CSMD1: variants seen among roughly 807,000 people sequenced by gnomAD.
CSMD1 encodes CUB and Sushi multiple domains 1.
CSMD1 carries 213 observed loss-of-function variants against 417.5 expected under a neutral mutation model. The observed-to-expected ratio is 0.51, with a 90% CI of 0.46 to 0.57. The LOEUF (loss-of-function observed/expected upper bound fraction) is 0.57, where lower values mean the gene tolerates loss of function less well. CSMD1 is among the 20% of genes least tolerant of loss of function. The probability of loss-of-function intolerance (pLI) is 0.00; values close to 1 mark genes in which losing one functional copy is unlikely to be tolerated. For missense variants in CSMD1, 6,923 were observed against 4,529.7 expected, an observed-to-expected ratio of 1.53 and a Z score of -15.17; for synonymous variants, 2,862 against 1,736.8, an observed-to-expected ratio of 1.65 and a Z score of -16.11.
At chr8:3,665,780 T>A (rs1004289114) in intron 7 of CSMD1, among the ~76,000 whole-genome samples, 1 of 152,218 alleles carries the variant, frequency 6.6e-6, no homozygotes, top group Non-Finnish European at 1.5e-5. Flanking sequence ...AGCTTGAAGC[T>A]GAGGCTATTT....
At chr8:4,763,456 T>G (rs542740731) in intron 1 of CSMD1, among the ~76,000 whole-genome samples, 1 of 152,152 alleles carries the variant, frequency 6.6e-6, no homozygotes, top group Non-Finnish European at 1.5e-5. Flanking sequence ...TTATTTATAA[T>G]AGTGACATGA....
chr8:4,330,709 G>T (rs1370316836), intron 3 of CSMD1, among the ~76,000 whole-genome samples: 1 of 151,940 alleles, frequency 6.6e-6, no homozygotes, highest in Non-Finnish European at 1.5e-5. Context: ...TCTGTAGGTT[G>T]AGGATACCCC....
chr8:4,305,009 C>G (rs1798169718), intron 3 of CSMD1, among the ~76,000 whole-genome samples: 1 of 152,194 alleles, frequency 6.6e-6, no homozygotes, highest in African/African-American at 2.4e-5. Flanking sequence ...ACAGGACCCA[C>G]TACAAACACA....
At chr8:3,970,587 C>T (rs192935497) in intron 5 of CSMD1, among the ~76,000 whole-genome samples, 1 of 152,126 alleles carries the variant, frequency 6.6e-6, no homozygotes, top group Non-Finnish European at 1.5e-5. Flanking sequence ...AAAGACCCAA[C>T]AGAATGAATA....
chr8:4,142,174 A>C (rs1312857609), intron 3 of CSMD1, among the ~76,000 whole-genome samples: 1 of 151,278 alleles, frequency 6.6e-6, no homozygotes, highest in African/African-American at 2.5e-5. Context: ...GAATACCATC[A>C]TGACTCAAGA....
chr8:4,044,928 A>G (rs1320219532), intron 3 of CSMD1, among the ~76,000 whole-genome samples: 1 of 140,534 alleles, frequency 7.1e-6, no homozygotes, highest in Non-Finnish European at 1.6e-5. Flanking sequence ...ATTTAAAAAA[A>G]TGTCCCCATG....
intron 4 of CSMD1, among the ~76,000 whole-genome samples, chr8:4,000,402 G>A (rs918883159): frequency 2.0e-5 from 3 of 152,188 alleles, no homozygotes; most frequent in Non-Finnish European, 4.4e-5. Context: ...TTTTTGAACA[G>A]AGATAAAAAT....
chr8:4,587,141 T>G (rs1024895982), intron 2 of CSMD1, among the ~76,000 whole-genome samples: 1 of 152,208 alleles, frequency 6.6e-6, no homozygotes. Context: ...TCTTCCACAT[T>G]GATTTTTCTG....
At chr8:4,582,912 C>T (rs1407780512) in intron 2 of CSMD1, among the ~76,000 whole-genome samples, 1 of 152,242 alleles carries the variant, frequency 6.6e-6, no homozygotes, top group Non-Finnish European at 1.5e-5. Flanking sequence ...TGGCTGGCCC[C>T]ACACTCGGAG....
chr8:2,944,358 G>A (rs1563168445), intron 68 of CSMD1, among the ~76,000 whole-genome samples: 1 of 152,186 alleles, frequency 6.6e-6, no homozygotes, highest in Non-Finnish European at 1.5e-5. Context: ...TGCACTGAGG[G>A]TGGTCCCAGC....
intron 41 of CSMD1, among the ~76,000 whole-genome samples, chr8:3,133,858 C>T (rs746835517): frequency 1.3e-5 from 2 of 152,154 alleles, no homozygotes. Context: ...AAAGGCCGGT[C>T]GAATTCTTGC....
chr8:3,327,882 G>C (rs532243698), intron 23 of CSMD1, among the ~76,000 whole-genome samples: 34 of 152,122 alleles, frequency 2.2e-4, no homozygotes, highest in Non-Finnish European at 1.5e-5. Context: ...GTCTTCCATG[G>C]ATATTCACTG....
rs530272202 is a variant in CSMD1, at chr8:3,185,546, C to G, written c.5620+2323G>C. On this transcript the variant is annotated intron_variant, in intron 36 of 69. Transcript: ENST00000635120. ...AAAACAATTCAATATTTAATACTCT[C>G]TTTTGAAAAATTAACCTATTTCTAA... Among the ~76,000 whole-genome samples the G allele has an allele frequency of 2.0e-5, 3 of 152,300 alleles. No homozygotes were observed. The South Asian group carries it at 6.2e-4, about 32-fold the overall frequency.
chr8:4,059,802 T>C (rs994654296), intron 3 of CSMD1, among the ~76,000 whole-genome samples: 5 of 151,492 alleles, frequency 3.3e-5, no homozygotes, highest in Non-Finnish European at 7.4e-5. Context: ...CAATAATCAA[T>C]AGCTTACCAA....
intron 3 of CSMD1, among the ~76,000 whole-genome samples, chr8:4,180,891 C>T (rs947548263): frequency 3.3e-5 from 5 of 152,124 alleles, no homozygotes; most frequent in Admixed American, 2.0e-4. Context: ...AATTACTGTG[C>T]ATTGGTATAT....
chr8:4,249,799 T>G (rs1802943606), intron 3 of CSMD1, among the ~76,000 whole-genome samples: 1 of 152,122 alleles, frequency 6.6e-6, no homozygotes, highest in Non-Finnish European at 1.5e-5. Context: ...AAGAACACAG[T>G]GTCAGTTTAG....
intron 25 of CSMD1, among the ~76,000 whole-genome samples, chr8:3,304,289 A>G (rs1002225841): frequency 3.9e-5 from 6 of 152,178 alleles, no homozygotes; most frequent in Non-Finnish European, 7.3e-5. Context: ...AATACAGACT[A>G]TGTTACCATT....
intron 10 of CSMD1, among the ~76,000 whole-genome samples, chr8:3,538,343 A>T (rs1200529395): frequency 6.6e-6 from 1 of 151,984 alleles, no homozygotes; most frequent in African/African-American, 2.4e-5. Context: ...TATGCAACTG[A>T]CATGCTTCAC....
chr8:3,287,002 A>G (rs1803211324), intron 25 of CSMD1, among the ~76,000 whole-genome samples: 1 of 152,076 alleles, frequency 6.6e-6, no homozygotes, highest in Admixed American at 6.6e-5. Flanking sequence ...ATTTTTGTAT[A>G]AGGTGTAAGG....
Sources: allele counts gnomAD v4.1 joint callset (sites outside exome capture counted in the v4.1 genomes callset), GRCh38; gene constraint gnomAD v4.1.1; transcripts MANE v1.5; gene names NCBI Gene and HGNC (gene_info 2026-07-23, HGNC 2026-07-21).